DENND2B: variants seen among roughly 807,000 people sequenced by gnomAD.
DENND2B encodes the protein DENN domain containing 2B, also known as DENN domain-containing protein 2B.
In DENND2B, 32 loss-of-function variants were observed where a neutral mutation model predicts 116.0. That is an observed-to-expected ratio of 0.28 (90% confidence interval 0.21 to 0.37). The LOEUF is 0.37. Among genes scored for constraint, DENND2B ranks in the 10% least tolerant of loss-of-function variants. The probability of loss-of-function intolerance (pLI) is 1.00; values close to 1 mark genes in which losing one functional copy is unlikely to be tolerated. For missense variants in DENND2B, 1,276 were observed against 1,477.7 expected, an observed-to-expected ratio of 0.86 and a Z score of 2.24; for synonymous variants, 588 against 583.9, an observed-to-expected ratio of 1.01 and a Z score of -0.10.
At chr11:8,879,690 C>T (rs921274997) in intron 2 of DENND2B, among the ~76,000 whole-genome samples, 2 of 151,682 alleles carry the variant, frequency 1.3e-5, no homozygotes, top group African/African-American at 2.4e-5. Flanking sequence ...AAAAATCACC[C>T]GAGAAGCTTT....
At chr11:8,843,576 T>G (rs2062702077) in intron 3 of DENND2B, among the ~76,000 whole-genome samples, 1 of 152,190 alleles carries the variant, frequency 6.6e-6, no homozygotes, top group South Asian at 2.1e-4. Context: ...TTGGCCTCAC[T>G]TGCTCATGCC....
chr11:8,733,929 T>A (rs2048521426), intron 2 of DENND2B, among the ~76,000 whole-genome samples: 1 of 152,142 alleles, frequency 6.6e-6, no homozygotes, highest in Admixed American at 6.5e-5. Flanking sequence ...GAAGGTCCTG[T>A]CTTTGGTGTC....
At chr11:8,900,523 T>C (rs2064154047) in intron 1 of DENND2B, among the ~76,000 whole-genome samples, 1 of 150,038 alleles carries the variant, frequency 6.7e-6, no homozygotes, top group Non-Finnish European at 1.5e-5. Context: ...CACTTGAGCC[T>C]AGGAGGTGGA....
At chr11:8,868,804 C>A (rs2063673181) in intron 2 of DENND2B, among the ~76,000 whole-genome samples, 1 of 152,218 alleles carries the variant, frequency 6.6e-6, no homozygotes, top group African/African-American at 2.4e-5. Flanking sequence ...GCATACTTTG[C>A]TTCAAGGCTC....
At chr11:8,723,540 G>A (rs557429985) in intron 4 of DENND2B, among the ~76,000 whole-genome samples, 1 of 152,220 alleles carries the variant, frequency 6.6e-6, no homozygotes, top group South Asian at 2.1e-4. Context: ...TCATTCGGGA[G>A]GACTTTCTTC....
upstream of DENND2B, among the ~76,000 whole-genome samples, chr11:8,813,322 T>G (rs2061458140): frequency 6.6e-6 from 1 of 151,708 alleles, no homozygotes; most frequent in African/African-American, 2.4e-5. Context: ...TGAAAGGGAG[T>G]GAACCTAATC....
intron 1 of DENND2B, among the ~76,000 whole-genome samples, chr11:8,803,582 AT>A (rs2060546583): frequency 6.6e-6 from 1 of 152,218 alleles, no homozygotes; most frequent in Non-Finnish European, 1.5e-5. Context: ...AGGCAGAGAA[AT>A]TCACAGGAAG....
At chr11:8,720,959 A>C (rs918565538) in intron 4 of DENND2B, among the ~76,000 whole-genome samples, 4 of 152,180 alleles carry the variant, frequency 2.6e-5, no homozygotes, top group Non-Finnish European at 4.4e-5. Context: ...GGAGCCTGGC[A>C]GACTGCAAAT....
intron 1 of DENND2B, chr11:8,785,272 C>T (rs1314935565): frequency 1.3e-5 from 2 of 152,182 alleles, no homozygotes; most frequent in Non-Finnish European, 2.9e-5. Flanking sequence ...CCATCATCAG[C>T]TTTTCTTTAC....
intron 1 of DENND2B, chr11:8,776,146 G>GCACACACACACACACACACACA (rs1555185694): frequency 7.9e-5 from 23 of 292,420 alleles, no homozygotes; most frequent in African/African-American, 7.5e-4. Flanking sequence ...GCACGTGCGC[G>GCACACACACACACACACACACA]CACGCGCGCG....
intron 4 of DENND2B, among the ~76,000 whole-genome samples, chr11:8,825,700 G>A (rs2061951690): frequency 2.6e-5 from 4 of 151,502 alleles, no homozygotes; most frequent in South Asian, 2.1e-4. Context: ...GGTTAAATAC[G>A]GCAAGATGAA....
intron 2 of DENND2B, among the ~76,000 whole-genome samples, chr11:8,736,754 G>GA (rs2049121783): frequency 6.6e-6 from 1 of 152,196 alleles, no homozygotes; most frequent in Admixed American, 6.5e-5. Flanking sequence ...AGAGTGGAGG[G>GA]AAACAATGAA....
intron 1 of DENND2B, among the ~76,000 whole-genome samples, chr11:8,904,472 C>T (rs1240575751): frequency 6.6e-6 from 1 of 152,134 alleles, no homozygotes; most frequent in Non-Finnish European, 1.5e-5. Flanking sequence ...AAATATCATA[C>T]TTAATGGTAA....
At chr11:8,807,647 G>C (rs1448221730) in intron 1 of DENND2B, among the ~76,000 whole-genome samples, 8 of 152,166 alleles carry the variant, frequency 5.3e-5, no homozygotes, top group African/African-American at 1.4e-4. Flanking sequence ...GTGAGAACAG[G>C]AATGTTACTT....
intron 2 of DENND2B, among the ~76,000 whole-genome samples, chr11:8,749,976 T>G (rs1441703436): frequency 6.6e-6 from 1 of 152,190 alleles, no homozygotes; most frequent in African/African-American, 2.4e-5. Flanking sequence ...GGGTTAAAAT[T>G]TATTGAGTAG....
chr11:8,819,996 T>C lies in DENND2B; in HGVS notation c.-114-8661A>G, dbSNP rs570936118. ...AAAATTATTTAAAAGTAAAAAGTTT[T>C]TAAAAGCCAAATTTAAAGATAAGTA... On this transcript the variant is annotated intron_variant, in intron 4 of 6. Transcript: ENST00000524757. 4.6e-5 allele frequency among the ~76,000 whole-genome samples: 7 copies of C among 152,348 alleles called. No individual in the cohort carries two copies. In the East Asian group the frequency reaches 1.3e-3, roughly 29 times the overall value.
At chr11:8,827,443 A>G (rs1379656146) in intron 4 of DENND2B, among the ~76,000 whole-genome samples, 2 of 152,258 alleles carry the variant, frequency 1.3e-5, no homozygotes, top group Non-Finnish European at 2.9e-5. Context: ...GAAAGATTAT[A>G]GCCACTCATC....
At chr11:8,793,954 G>A (rs146839903) in intron 1 of DENND2B, among the ~76,000 whole-genome samples, 503 of 152,012 alleles carry the variant, frequency 3.3e-3, no homozygotes, top group Middle Eastern at 6.8e-3. Context: ...AATCTTTATG[G>A]CTCAAGGATG....
rs150446538 is a variant in DENND2B at position 8,712,884 on chromosome 11, G to A, written c.1988-149C>T. ...CCCCAGCTCACAGTGCAGGAGGACC[G>A]GCAGGCACAAGGTGCTGACCCCTGC... On this transcript the variant is annotated intron_variant, in intron 8 of 19. Coordinates refer to ENST00000313726, the MANE Select transcript of DENND2B (RefSeq NM_213618.2). The surrounding 1 kb of genome is among the most constrained non-coding windows in gnomAD (Gnocchi z 4.4). 4.7e-4 allele frequency: 392 copies of A among 841,760 alleles called. 2 individuals are homozygous for A. The highest frequency in any genetic ancestry group is 2.9e-3 in the Admixed American group (99 of 33,898). The allele number at this position is 841,760 out of a possible 1,614,324, so 52.1% of individuals were successfully genotyped here. A position where few individuals can be genotyped will look rare whatever the true frequency, so the allele number is the denominator to read the frequency against.
Sources: gnomAD v4.1 joint callset for allele counts (sites outside exome capture counted in the v4.1 genomes callset) on GRCh38, gnomAD v4.1.1 for gene constraint, Gnocchi (gnomAD v3.1) non-coding constraint, MANE v1.5 for transcripts, NCBI Gene and HGNC (gene_info 2026-07-23, HGNC 2026-07-21) for gene names.